The following C9orf72 variants were observed in gnomAD, a reference collection of about 807,000 sequenced individuals.
The protein encoded by C9orf72 is C9orf72-SMCR8 complex subunit.
In C9orf72, 44 loss-of-function variants were observed where a neutral mutation model predicts 51.6. The observed-to-expected ratio is 0.85, with a 90% CI of 0.67 to 1.10. The LOEUF (loss-of-function observed/expected upper bound fraction) is 1.10. Among genes scored for constraint, C9orf72 ranks in the 50% least tolerant of loss-of-function variants. The pLI is 0.00. For missense variants in C9orf72, 607 were observed against 570.6 expected, an observed-to-expected ratio of 1.06 and a Z score of -0.65; for synonymous variants, 213 against 194.2, an observed-to-expected ratio of 1.10 and a Z score of -0.81.
At chr9:27,563,430 A>G (rs1819396556) in intron 3 of C9orf72, among the ~76,000 whole-genome samples, 1 of 152,166 alleles carries the variant, frequency 6.6e-6, no homozygotes, top group Admixed American at 6.5e-5. Flanking sequence ...GGTTAAGTAA[A>G]TTTTTTGAGA....
In C9orf72 at chr9:27,549,348, T is replaced by C. The variant is rs191326263; in HGVS notation, c.1150-682A>G. ...TATGGTTTTGAGACATTCATATACC[T>C]GTACTTTTGCAGGGGGTGGAGTGGG... On this transcript the variant is annotated intron_variant, in intron 9 of 10. Transcript: ENST00000380003. Among the ~76,000 whole-genome samples, 16 of 152,222 alleles carry C rather than the reference T, an allele frequency of 1.1e-4. No individual in the cohort carries two copies. In the East Asian group the frequency reaches 2.9e-3, roughly 28 times the overall value.
At chr9:27,565,315 A>C (rs1026237264) in intron 3 of C9orf72, among the ~76,000 whole-genome samples, 4 of 152,238 alleles carry the variant, frequency 2.6e-5, no homozygotes, top group African/African-American at 9.6e-5. Flanking sequence ...AGCAAATATT[A>C]ATTTGTAGAT....
chr9:27,550,168 T>C (rs10120734), intron 9 of C9orf72, among the ~76,000 whole-genome samples: 3,554 of 150,690 alleles, frequency 0.024, 133 homozygotes, highest in African/African-American at 0.081. Flanking sequence ...AATATGTATA[T>C]ATGCTCGTAC....
intron 7 of C9orf72, among the ~76,000 whole-genome samples, chr9:27,557,703 C>G (rs1371898357): frequency 6.6e-6 from 1 of 152,046 alleles, no homozygotes; most frequent in African/African-American, 2.4e-5. Flanking sequence ...ATAGAAACTA[C>G]GTTTCCTTTA....
chr9:27,567,322 A>C (rs1311515329), intron 1 of C9orf72, among the ~76,000 whole-genome samples, 158 bp from the exon 2 acceptor site: 1 of 152,218 alleles, frequency 6.6e-6, no homozygotes, highest in Admixed American at 6.5e-5. Context: ...CTAGCACAGT[A>C]GGTGCACATT....
chr9:27,557,119 G>A (rs34670748), intron 7 of C9orf72, among the ~76,000 whole-genome samples: 9,437 of 152,110 alleles, frequency 0.062, 427 homozygotes, highest in South Asian at 0.14. Flanking sequence ...TGTGAAAAAA[G>A]CAGATTAGAA....
At chr9:27,569,273 T>C (rs1819536318) in intron 1 of C9orf72, among the ~76,000 whole-genome samples, 2 of 152,160 alleles carry the variant, frequency 1.3e-5, no homozygotes, top group Admixed American at 6.5e-5. Flanking sequence ...AAGATAAATT[T>C]GGTGTAGCTT....
rs71492751 is a variant in C9orf72 at position 27,552,515 on chromosome 9, A to ATTTTT, written c.1092-1813_1092-1809dup. Among the ~76,000 whole-genome samples the ATTTTT allele has an allele frequency of 1.1e-3, 113 of 105,618 alleles. 4 individuals carry two copies. Among genetic ancestry groups the ATTTTT allele is most frequent in the East Asian group, 2.4e-3 (8 of 3,400 alleles). The allele number at this position is 105,618 out of a possible 152,430, so 69.3% of individuals were successfully genotyped here. A position where few individuals can be genotyped will look rare whatever the true frequency, so the allele number is the denominator to read the frequency against. On this transcript the variant is annotated intron_variant, in intron 8 of 10. Transcript: ENST00000380003. ...AGGTGCATGTCACCATACCAAGCTA[A>ATTTTT]TTTTTTTTTTTTTTTTTTTTTGTAG...
Position 27,573,242 on chromosome 9 carries a change from C to T in C9orf72, c.-45+189G>A, listed in dbSNP as rs554827151. 3.9e-4 allele frequency among the ~76,000 whole-genome samples: 60 copies of T among 152,114 alleles called. No homozygotes were observed. The East Asian group carries it at 0.011, about 28-fold the overall frequency. The stretch of plus-strand genomic sequence containing the variant: ...CCGCCGCCGCCGCCGCCGGGAAGCC[C>T]GGGGCCCGGATGCAGGCAATTCCAC... On this transcript the variant is annotated intron_variant, in intron 1 of 10. Transcript: ENST00000380003.
At position 27,565,974 on chromosome 9, in the gene C9orf72, T is replaced by C. The variant is rs187139605; in HGVS notation, c.445-384A>G. 1.1e-4 allele frequency among the ~76,000 whole-genome samples: 17 copies of C among 152,296 alleles called. No homozygotes were observed. The East Asian group carries it at 3.3e-3, about 29-fold the overall frequency. On this transcript the variant is annotated intron_variant, in intron 2 of 10. Transcript: ENST00000380003. Reference sequence around the variant, plus strand: ...AAAAAAGGAAGTAAGCCTGCAAACATAGTAAAAAATTATTCTTTTAAAAGA... The same window carrying C: ...AAAAAAGGAAGTAAGCCTGCAAACACAGTAAAAAATTATTCTTTTAAAAGA...
intron 1 of C9orf72, among the ~76,000 whole-genome samples, chr9:27,568,509 A>G (rs1465646181): frequency 6.6e-6 from 1 of 152,206 alleles, no homozygotes; most frequent in African/African-American, 2.4e-5. Context: ...ACATAAACAT[A>G]CCACTCTAAA....
At position 27,557,176 on chromosome 9, in the gene C9orf72, T is replaced by C. The variant is rs563307438; in HGVS notation, c.856-380A>G. ...GGGTGGGAGTCTTAAAGAAAATACA[T>C]GCAAAAGGGAAAAAAAGACTAGAAA... On this transcript the variant is annotated intron_variant, in intron 7 of 10. Transcript: ENST00000380003. 2.6e-5 allele frequency among the ~76,000 whole-genome samples: 4 copies of C among 152,024 alleles called. 1 individual carries two copies. Among genetic ancestry groups the C allele is most frequent in the Non-Finnish European group, 5.9e-5 (4 of 67,982 alleles).
At chr9:27,568,691 T>G (rs2131547287) in intron 1 of C9orf72, among the ~76,000 whole-genome samples, 1 of 152,268 alleles carries the variant, frequency 6.6e-6, no homozygotes, top group African/African-American at 2.4e-5. Flanking sequence ...CATCATAAGG[T>G]CTTAGTACTA....
intron 7 of C9orf72, among the ~76,000 whole-genome samples, chr9:27,557,399 C>G (rs1404041852): frequency 6.6e-6 from 1 of 152,094 alleles, no homozygotes; most frequent in Non-Finnish European, 1.5e-5. Flanking sequence ...ATGAACAGAA[C>G]AGAAGAAAGA....
At chr9:27,570,593 T>C (rs747852631) in intron 1 of C9orf72, among the ~76,000 whole-genome samples, 8 of 151,414 alleles carry the variant, frequency 5.3e-5, no homozygotes, top group Admixed American at 1.3e-4. Flanking sequence ...GGGCCGGGCA[T>C]GGTGGGTCAC....
intron 2 of C9orf72, among the ~76,000 whole-genome samples, chr9:27,566,205 C>T (rs544918355): frequency 6.6e-6 from 1 of 152,274 alleles, no homozygotes; most frequent in South Asian, 2.1e-4. Context: ...AAAAGGAATT[C>T]TCTTGGGAAC....
chr9:27,566,871 A>T lies in C9orf72; in HGVS notation c.250T>A (p.Phe84Ile). The part of the protein sequence containing the change: ...NAESGAIDVK[F>I]FVLSEKGVII... ...ACTCCCTTTTCAGACAAGACAAAAA[A>T]CTTTACATCTATAGCACCACTCTCT... Residue 84 changes from phenylalanine to isoleucine, a missense_variant, in exon 2 of 11, where the codon TTT becomes ATT. Coordinates refer to ENST00000380003, the MANE Select transcript of C9orf72 (RefSeq NM_018325.5). The T allele has an allele frequency of 1.2e-6, 2 of 1,613,974 alleles. No individual in the cohort carries two copies. The highest frequency in any genetic ancestry group is 1.7e-6 in the Non-Finnish European group (2 of 1,179,938).
At chr9:27,548,518 T>C (rs201564924) in intron 10 of C9orf72, 39 bp downstream of exon 10, 167 of 1,418,090 alleles carry the variant, frequency 1.2e-4, no homozygotes, top group African/African-American at 7.8e-4. Context: ...AAAAAAACAA[T>C]GTACAAAGGT....
At chr9:27,556,501 C>A in intron 8 of C9orf72, 60 bp downstream of exon 8, 1 of 1,108,598 alleles carries the variant, frequency 9.0e-7, no homozygotes, top group Non-Finnish European at 1.3e-6. Context: ...TGTTTTTATT[C>A]GTAAAAGACA....
Sources: allele counts gnomAD v4.1 joint callset (sites outside exome capture counted in the v4.1 genomes callset), GRCh38; gene constraint gnomAD v4.1.1; transcripts MANE v1.5; gene names NCBI Gene and HGNC (gene_info 2026-07-23, HGNC 2026-07-21).